The following ATP9A variants were observed in gnomAD, a reference collection of about 807,000 sequenced individuals.
ATP9A encodes the protein ATPase phospholipid transporting 9A.
Under a neutral mutation model 144.1 loss-of-function variants are expected in ATP9A, and 52 were observed. That is an observed-to-expected ratio of 0.36 (90% CI 0.29 to 0.45). The LOEUF (loss-of-function observed/expected upper bound fraction) is 0.45. ATP9A is among the 20% of genes least tolerant of loss of function. ATP9A has a pLI of 1.00. For synonymous variants in ATP9A, 582 were observed against 557.4 expected (o/e 1.04, Z -0.62); for missense variants, 947 against 1,392.7 (o/e 0.68, Z 5.09).
chr20:51,719,071 C>T (rs898581808), intron 3 of ATP9A, among the ~76,000 whole-genome samples: 35 of 147,926 alleles, frequency 2.4e-4, no homozygotes, highest in Admixed American at 2.3e-3. Context: ...GAGGATGCAG[C>T]GAGCCAAGAT....
intron 3 of ATP9A, among the ~76,000 whole-genome samples, chr20:51,721,233 C>G (rs1203836870): frequency 1.3e-5 from 2 of 152,242 alleles, no homozygotes; most frequent in Non-Finnish European, 2.9e-5. Context: ...CCTTATCATC[C>G]CTCACCTACT....
chr20:51,681,737 TA>T (rs2077500687), intron 9 of ATP9A, among the ~76,000 whole-genome samples: 1 of 152,130 alleles, frequency 6.6e-6, no homozygotes, highest in Admixed American at 6.6e-5. Context: ...CCGAAACTTC[TA>T]ATAAACTATA....
chr20:51,610,190 T>A, intron 23 of ATP9A, 25 bp from the exon 24 acceptor site: 1 of 1,563,302 alleles, frequency 6.4e-7, no homozygotes, highest in East Asian at 2.2e-5. Context: ...GAGGAGGATG[T>A]CACCAAAAGT....
intron 14 of ATP9A, among the ~76,000 whole-genome samples, chr20:51,654,549 T>G (rs1330828110): frequency 6.6e-6 from 1 of 150,434 alleles, no homozygotes; most frequent in East Asian, 1.9e-4. Flanking sequence ...ACTCTGGCCA[T>G]AGTTACCATG....
chr20:51,617,362 G>T, intron 22 of ATP9A, 128 bp downstream of exon 22: 2 of 965,158 alleles, frequency 2.1e-6, no homozygotes, highest in South Asian at 3.0e-5. Flanking sequence ...AGGTAACTGT[G>T]ACACATGATT....
intron 14 of ATP9A, among the ~76,000 whole-genome samples, chr20:51,647,980 C>T (rs560390254): frequency 1.3e-5 from 2 of 152,312 alleles, no homozygotes; most frequent in African/African-American, 4.8e-5. Flanking sequence ...ATCAATAATA[C>T]TGATGGAAGA....
chr20:51,759,617 G>A (rs1568850350), intron 1 of ATP9A, among the ~76,000 whole-genome samples: 1 of 152,018 alleles, frequency 6.6e-6, no homozygotes, highest in Non-Finnish European at 1.5e-5. Flanking sequence ...AGGTTGCAGT[G>A]AGCCGAGATC....
rs370590218 is a variant in ATP9A, at chr20:51,739,267, T to G, written c.69-9289A>C. On this transcript the variant is annotated intron_variant, in intron 1 of 27. Coordinates refer to ENST00000338821, the MANE Select transcript of ATP9A (RefSeq NM_006045.3). ...GTCTGAACCCTGGCCCCAGAGAGGGTCCCCTTCCAAGTACGTCCTTTCTTA... is the reference window on the plus strand; with the variant it reads ...GTCTGAACCCTGGCCCCAGAGAGGGGCCCCTTCCAAGTACGTCCTTTCTTA... 9.4e-3 allele frequency among the ~76,000 whole-genome samples: 1,427 copies of G among 151,468 alleles called. 18 individuals are homozygous for G. Among genetic ancestry groups the G allele is most frequent in the African/African-American group, 0.033 (1,341 of 41,250 alleles).
intron 1 of ATP9A, among the ~76,000 whole-genome samples, chr20:51,748,503 C>T (rs956306002): frequency 2.0e-5 from 3 of 152,116 alleles, no homozygotes; most frequent in Non-Finnish European, 4.4e-5. Context: ...AAAATGTTGG[C>T]AACTGATTCA....
intron 22 of ATP9A, among the ~76,000 whole-genome samples, chr20:51,615,828 G>A (rs4811205): frequency 6.6e-6 from 1 of 152,128 alleles, no homozygotes; most frequent in African/African-American, 2.4e-5. Flanking sequence ...TAGAGACGGG[G>A]TCTCACCATG....
chr20:51,609,578 T>C (rs1387458254), intron 24 of ATP9A, among the ~76,000 whole-genome samples: 3 of 152,160 alleles, frequency 2.0e-5, no homozygotes, highest in Non-Finnish European at 4.4e-5. Flanking sequence ...GGGGTGGGTT[T>C]GCAGGCTGCA....
chr20:51,747,597 G>A (rs952441055), intron 1 of ATP9A, among the ~76,000 whole-genome samples: 1 of 152,164 alleles, frequency 6.6e-6, no homozygotes, highest in South Asian at 2.1e-4. Context: ...AAAAAGCACT[G>A]AGGAACAAAC....
intron 1 of ATP9A, among the ~76,000 whole-genome samples, chr20:51,732,078 T>G (rs1016555124): frequency 6.6e-6 from 1 of 152,000 alleles, no homozygotes; most frequent in Admixed American, 6.6e-5. Context: ...AGCTCATTGG[T>G]GCCAACATCA....
Position 51,597,737 on chromosome 20 carries a change from C to T in ATP9A, c.*3474G>A, listed in dbSNP as rs2077125171. 1 of 151,996 alleles carries T rather than the reference C, an allele frequency of 6.6e-6. No homozygotes were observed. The highest frequency in any genetic ancestry group is 2.4e-5 in the African/African-American group (1 of 41,388). 9.4% of individuals were successfully genotyped at this position (151,996 alleles called of 1,614,324 possible). On this transcript the variant is annotated 3_prime_UTR_variant, in exon 28 of 28. Transcript: ENST00000338821. ...CAAGACAAAGTATAAAAAGAAAAGT[C>T]TGGCGGGGGGTGGGGGAGGCATTAG...
intron 3 of ATP9A, among the ~76,000 whole-genome samples, chr20:51,723,939 G>A (rs1220409366): frequency 6.6e-6 from 1 of 152,120 alleles, no homozygotes; most frequent in Non-Finnish European, 1.5e-5. Flanking sequence ...CGGAGGCCGA[G>A]GTGGGTGGAT....
intron 13 of ATP9A, among the ~76,000 whole-genome samples, chr20:51,667,383 G>T (rs917312736): frequency 6.6e-6 from 1 of 152,208 alleles, no homozygotes; most frequent in Non-Finnish European, 1.5e-5. Flanking sequence ...GAGTCAACAC[G>T]ACTGAGAAGG....
intron 4 of ATP9A, among the ~76,000 whole-genome samples, chr20:51,704,323 A>G (rs73911375): frequency 0.019 from 2,885 of 151,920 alleles, 92 homozygotes; most frequent in African/African-American, 0.065. Context: ...TACAGGGGGG[A>G]AATAAATACC....
chr20:51,765,063 G>GT (rs1285369652), intron 1 of ATP9A, among the ~76,000 whole-genome samples: 1 of 152,096 alleles, frequency 6.6e-6, no homozygotes, highest in Non-Finnish European at 1.5e-5. Flanking sequence ...CATGGTTGTT[G>GT]TAAGGATTAA....
At chr20:51,747,752 T>C (rs1008688361) in intron 1 of ATP9A, among the ~76,000 whole-genome samples, 2 of 152,070 alleles carry the variant, frequency 1.3e-5, no homozygotes, top group Non-Finnish European at 2.9e-5. Flanking sequence ...ACTCCTCTTA[T>C]AGAAGTATGA....
Sources: gnomAD v4.1 joint callset for allele counts (sites outside exome capture counted in the v4.1 genomes callset) on GRCh38, gnomAD v4.1.1 for gene constraint, MANE v1.5 for transcripts, NCBI Gene and HGNC (gene_info 2026-07-23, HGNC 2026-07-21) for gene names.